The following ITGB3BP variants were observed in gnomAD, a reference collection of about 807,000 sequenced individuals.
ITGB3BP encodes the protein centromere protein R.
ITGB3BP carries 27 observed loss-of-function variants against 29.1 expected under a neutral mutation model. The ratio of observed to expected loss-of-function variants is 0.93; its 90% confidence interval spans 0.68 to 1.28. The LOEUF is 1.28. Ranked by LOEUF, ITGB3BP falls within the 50% of genes most tolerant of loss-of-function variation. The pLI, the probability that ITGB3BP is intolerant of heterozygous loss-of-function variation, is 0.00. For missense variants in ITGB3BP, 192 were observed against 200.2 expected (o/e 0.96, Z 0.25); for synonymous variants, 61 against 61.4 (o/e 0.99, Z 0.03).
chr1:63,457,801 A>G (rs1034587586), intron 4 of ITGB3BP: 1 of 152,192 alleles, frequency 6.6e-6, no homozygotes, highest in African/African-American at 2.4e-5. Context: ...GTATCCAGTG[A>G]CTGTTGCCAG....
chr1:63,459,333 C>T (rs568198747), intron 4 of ITGB3BP, among the ~76,000 whole-genome samples: 10 of 152,242 alleles, frequency 6.6e-5, no homozygotes, highest in African/African-American at 2.2e-4. Flanking sequence ...AATTCTATTA[C>T]TAAAAGCTAT....
At chr1:63,518,005 G>T (rs74977613) in intron 1 of ITGB3BP, among the ~76,000 whole-genome samples, 7,005 of 152,298 alleles carry the variant, frequency 0.046, 225 homozygotes, top group Non-Finnish European at 0.066. Context: ...TTACCGGCAT[G>T]AGCCACTGGG....
upstream of ITGB3BP, chr1:63,523,289 A>G (rs1346184147): frequency 7.5e-6 from 7 of 937,898 alleles, no homozygotes; most frequent in African/African-American, 1.1e-4. Context: ...CCTCCCCGCG[A>G]CGAAGGATCC....
At position 63,454,002 on chromosome 1, in the gene ITGB3BP, G is replaced by A; in HGVS notation, c.428-28C>T. 7.5e-7 allele frequency: 1 copy of A among 1,327,506 alleles called. No homozygotes were observed. The highest frequency in any genetic ancestry group is 1.1e-6 in the Non-Finnish European group (1 of 933,536). 82.2% of individuals were successfully genotyped at this position (1,327,506 alleles called of 1,614,324 possible). A position where few individuals can be genotyped will look rare whatever the true frequency, so the allele number is the denominator to read the frequency against. ...AAAAGAAGTAAAAATCCCATGTCAA[G>A]AATTAACATAGAATATGGATAATTT... On this transcript the variant is annotated intron_variant, in intron 6 of 8. Coordinates refer to ENST00000271002, the MANE Select transcript of ITGB3BP (RefSeq NM_014288.5). This position sits in a 1 kb window ranked among gnomAD's most constrained non-coding sequence, Gnocchi z 4.1.
intron 2 of ITGB3BP, among the ~76,000 whole-genome samples, chr1:63,505,422 C>T (rs567469171): frequency 6.6e-6 from 1 of 152,208 alleles, no homozygotes; most frequent in South Asian, 2.1e-4. Context: ...ATTAGTCTTG[C>T]TAGCAGTCCA....
chr1:63,441,306 C>A (rs1340464636), intron 8 of ITGB3BP, among the ~76,000 whole-genome samples: 1 of 152,118 alleles, frequency 6.6e-6, no homozygotes, highest in African/African-American at 2.4e-5. Context: ...GGCATGGTCT[C>A]GGCTGACTGC....
intron 1 of ITGB3BP, among the ~76,000 whole-genome samples, chr1:63,520,724 T>C (rs1237523498): frequency 6.6e-6 from 1 of 152,158 alleles, no homozygotes; most frequent in African/African-American, 2.4e-5. Context: ...ATTTAAGAAC[T>C]AGATCATTAC....
chr1:63,490,219 C>T lies in ITGB3BP; in HGVS notation c.49-1G>A, dbSNP rs778483418. 3 of 1,540,452 alleles carry T rather than the reference C, an allele frequency of 1.9e-6. No homozygotes were observed. Among genetic ancestry groups the T allele is most frequent in the South Asian group, 2.3e-5 (2 of 86,834 alleles). ...TTGTGATTTTTGAAGGATCAAATGA[C>T]TGGAAATAAATAATAATTAAGGACA... On this transcript the variant is annotated splice_acceptor_variant, in intron 2 of 8. Transcript: ENST00000271002. LOFTEE classifies it high-confidence loss of function.
At position 63,446,741 on chromosome 1, in the gene ITGB3BP, T is replaced by A. The variant is rs1469816081; in HGVS notation, c.*1+65A>T. 12 of 1,113,320 alleles carry A rather than the reference T, an allele frequency of 1.1e-5. No individual in the cohort carries two copies. In the Admixed American group the frequency reaches 2.3e-4, roughly 21 times the overall value. The allele number at this position is 1,113,320 out of a possible 1,614,324, so 69.0% of individuals were successfully genotyped here. A position where few individuals can be genotyped will look rare whatever the true frequency, so the allele number is the denominator to read the frequency against. ...AATCTGATAATGTAAATAAAATGTT[T>A]CCACCTGAACAAAACACAGTGAAAT... On this transcript the variant is annotated intron_variant, in intron 8 of 8. Coordinates refer to ENST00000271002, the MANE Select transcript of ITGB3BP (RefSeq NM_014288.5).
At chr1:63,494,232 C>T (rs1020154521) in intron 2 of ITGB3BP, among the ~76,000 whole-genome samples, 5 of 151,938 alleles carry the variant, frequency 3.3e-5, no homozygotes, top group Non-Finnish European at 1.5e-5. Context: ...CTCTGCCTCC[C>T]GGGTTCAAGC....
chr1:63,504,613 G>C (rs1009962420), intron 2 of ITGB3BP, among the ~76,000 whole-genome samples: 3 of 152,162 alleles, frequency 2.0e-5, no homozygotes, highest in African/African-American at 7.2e-5. Context: ...AATGTTCACA[G>C]TTTTTGCCCA....
intron 3 of ITGB3BP, among the ~76,000 whole-genome samples, chr1:63,480,827 AG>A (rs1645425930): frequency 6.6e-6 from 1 of 152,278 alleles, no homozygotes; most frequent in Admixed American, 6.5e-5. Context: ...TTAAAAATTT[AG>A]TAAAGAATGT....
chr1:63,469,943 G>A (rs141397631), intron 4 of ITGB3BP, among the ~76,000 whole-genome samples: 2,088 of 152,336 alleles, frequency 0.014, 46 homozygotes, highest in African/African-American at 0.048. Flanking sequence ...AGGAACACCT[G>A]GCCCGCCCAG....
chr1:63,461,035 C>T (rs9436676), intron 4 of ITGB3BP, among the ~76,000 whole-genome samples: 50,044 of 146,636 alleles, frequency 0.34, 8,739 homozygotes, highest in East Asian at 0.49. Context: ...GTTAGGAGAT[C>T]GAGACCACTC....
At chr1:63,491,898 A>G (rs931276583) in intron 2 of ITGB3BP, among the ~76,000 whole-genome samples, 1 of 139,586 alleles carries the variant, frequency 7.2e-6, no homozygotes, top group South Asian at 2.5e-4. Flanking sequence ...TTACCTCTCC[A>G]TCTTGAGTTT....
chr1:63,504,837 A>G (rs918501745), intron 2 of ITGB3BP, among the ~76,000 whole-genome samples: 18 of 152,350 alleles, frequency 1.2e-4, no homozygotes, highest in African/African-American at 4.1e-4. Flanking sequence ...ATGTTGAACC[A>G]GCCTTGCATC....
At chr1:63,443,695 G>T (rs1034282608) in intron 8 of ITGB3BP, among the ~76,000 whole-genome samples, 6 of 152,146 alleles carry the variant, frequency 3.9e-5, no homozygotes, top group Non-Finnish European at 8.8e-5. Context: ...TGGAAGAGAG[G>T]TAATGGAGAA....
At chr1:63,510,804 G>C (rs12096604) in intron 1 of ITGB3BP, among the ~76,000 whole-genome samples, 3,592 of 152,154 alleles carry the variant, frequency 0.024, 132 homozygotes, top group African/African-American at 0.083. Flanking sequence ...ACCCACTACA[G>C]AGTTTATGAC....
chr1:63,476,301 C>A (rs2100614912), intron 4 of ITGB3BP, among the ~76,000 whole-genome samples: 1 of 152,048 alleles, frequency 6.6e-6, no homozygotes, highest in East Asian at 2.0e-4. Context: ...GTAGCTGGGA[C>A]CACAGGCGCC....
Sources: allele counts gnomAD v4.1 joint callset (sites outside exome capture counted in the v4.1 genomes callset), GRCh38; gene constraint gnomAD v4.1.1; non-coding constraint Gnocchi (gnomAD v3.1); transcripts MANE v1.5; gene names NCBI Gene and HGNC (gene_info 2026-07-23, HGNC 2026-07-21).